Variants in MYH3 observed in about 807,000 individuals in gnomAD.
MYH3 encodes myosin-3.
In MYH3, 130 loss-of-function variants were observed where a neutral mutation model predicts 238.0. The observed-to-expected ratio is 0.55, with a 90% CI of 0.47 to 0.63. The LOEUF (loss-of-function observed/expected upper bound fraction) is 0.63. Ranked by LOEUF, MYH3 falls within the 30% of genes least tolerant of loss-of-function variation. The pLI is 0.00. For synonymous variants in MYH3, 880 were observed against 924.1 expected (o/e 0.95, Z 0.86); for missense variants, 1,853 against 2,374.9 (o/e 0.78, Z 4.57).
the MYH3 span, chr17:10,674,321 G>A: frequency 6.0e-6 from 1 of 165,314 alleles, no homozygotes; most frequent in Non-Finnish European, 1.3e-5. Flanking sequence ...AGCTACTTGG[G>A]AGGCTGAGGC....
chr17:10,669,669 C>T, the MYH3 span, among the ~76,000 whole-genome samples: 46 of 152,086 alleles, frequency 3.0e-4, no homozygotes, highest in East Asian at 1.4e-3. Flanking sequence ...TTTCGGAGGC[C>T]GAGATGGGAG....
At position 10,628,749 on chromosome 17, in the gene MYH3, G is replaced by A. The variant is rs1597479287; in HGVS notation, c.5797-70C>T. The A allele has an allele frequency of 8.3e-6, 13 of 1,558,352 alleles. No individual in the cohort carries two copies. In the East Asian group the frequency reaches 1.8e-4, roughly 22 times the overall value. On this transcript the variant is annotated intron_variant, in intron 40 of 40. Transcript: ENST00000583535. ...CACATTCCCACCCACCACTTCTGCC[G>A]GCTGGCATCAGAGTTGCTTGCCTAC...
At chr17:10,630,534 G>C in intron 36 of MYH3, 76 bp from the exon 37 acceptor site, 1 of 1,595,248 alleles carries the variant, frequency 6.3e-7, no homozygotes, top group Non-Finnish European at 8.6e-7. Flanking sequence ...TGGGGACCTC[G>C]GAGGACCAGA....
the MYH3 span, chr17:10,673,858 G>A: frequency 6.6e-6 from 1 of 152,190 alleles, no homozygotes; most frequent in East Asian, 1.9e-4. Flanking sequence ...GGGAGTGACA[G>A]TCGTCTTTGA....
chr17:10,652,387 C>T, intron 4 of MYH3, 33 bp downstream of exon 4: 1 of 1,612,334 alleles, frequency 6.2e-7, no homozygotes, highest in South Asian at 1.1e-5. Flanking sequence ...TATCTAATGC[C>T]CCAGGGAAAC....
In MYH3 at chr17:10,631,735, T is replaced by C; in HGVS notation, c.5162A>G (p.Asn1721Ser). 6.2e-7 allele frequency: 1 copy of C among 1,614,112 alleles called. No individual in the cohort carries two copies. The highest frequency in any genetic ancestry group is 8.5e-7 in the Non-Finnish European group (1 of 1,180,000). The change falls in exon 36 of 41, where the codon AAC becomes AGC. Residue 1721 changes from asparagine (N) to serine (S), a missense_variant and splice_region_variant. Physicochemically the swap from Asn to Ser is conservative, Grantham distance 46. Around this residue, in one of 3 missense-constraint regions of MYH3, gnomAD observed 1,044 missense variants for 1,192.6 expected, o/e 0.88. Coordinates refer to ENST00000583535, the MANE Select transcript of MYH3 (RefSeq NM_002470.4). ...NERVQLLHTQ[N>S]TSLIHTKKKL... ...CTTCTTGGTGTGGATGAGGCTGGTG[T>C]TCTAGGGCAAGAGGAGGGCTGTTAA...
At chr17:10,650,427 G>A in intron 5 of MYH3, 26 bp from the exon 6 acceptor site, 2 of 1,605,294 alleles carry the variant, frequency 1.2e-6, no homozygotes, top group Non-Finnish European at 1.7e-6. Flanking sequence ...ATAAAATAGA[G>A]TTGATGGCAA....
Position 10,657,289 on chromosome 17 carries a change from C to T in MYH3, c.-68G>A, listed in dbSNP as rs1357919009. The T allele has an allele frequency of 1.3e-5, 2 of 152,298 alleles. No homozygotes were observed. Among genetic ancestry groups the T allele is most frequent in the African/African-American group, 4.8e-5 (2 of 41,442 alleles). The allele number at this position is 152,298 out of a possible 1,614,324, so 9.4% of individuals were successfully genotyped here. A position where few individuals can be genotyped will look rare whatever the true frequency, so the allele number is the denominator to read the frequency against. ...CCTAGAAGAGGAGCCTGTGACTTAC[C>T]TCCGCCCACAAGCGAGCCACAGAGG... On this transcript the variant is annotated splice_region_variant and 5_prime_UTR_variant, in exon 1 of 41. Coordinates refer to ENST00000583535, the MANE Select transcript of MYH3 (RefSeq NM_002470.4).
chr17:10,632,049 G>A (rs2074166197), intron 34 of MYH3, 33 bp from the exon 35 acceptor site: 1 of 1,607,066 alleles, frequency 6.2e-7, no homozygotes, highest in Non-Finnish European at 8.5e-7. Flanking sequence ...TCTATTTGAA[G>A]TTGAGGCGTT....
At chr17:10,648,683 A>ATT (rs3214114) in intron 7 of MYH3, 34 bp from the exon 8 acceptor site, 2,640 of 1,383,476 alleles carry the variant, frequency 1.9e-3, no homozygotes, top group Non-Finnish European at 2.5e-3. Flanking sequence ...AAGAGGAAAC[A>ATT]TTTTTTTTTG....
chr17:10,671,048 G>A, the MYH3 span, among the ~76,000 whole-genome samples: 41 of 152,080 alleles, frequency 2.7e-4, no homozygotes, highest in East Asian at 4.6e-3. Flanking sequence ...GCACCACCAC[G>A]CCCAGCTAAT....
Position 10,654,899 on chromosome 17 carries a change from G to T in MYH3, c.166C>A (p.Gln56Lys). ...EYAKGKIKSS[Q>K]DGKVTVETED... The stretch of plus-strand genomic sequence containing the variant: ...GTTTCCACAGTGACCTTCCCATCCT[G>T]AGAACTCTTGATTTTCCCCTTGGCA... The change falls in exon 3 of 41, where the codon CAG becomes AAG. Residue 56 changes from glutamine (Q) to lysine (K), a missense_variant. Physicochemically the swap from Gln to Lys is moderately conservative, Grantham distance 53 (BLOSUM62 1). Transcript: ENST00000583535. The surrounding 1 kb of genome is among the most constrained non-coding windows in gnomAD (Gnocchi z 4.5). The T allele has an allele frequency of 1.9e-6, 3 of 1,614,146 alleles. No homozygotes were observed. Among genetic ancestry groups the T allele is most frequent in the Non-Finnish European group, 2.5e-6 (3 of 1,180,030 alleles).
Position 10,630,136 on chromosome 17 carries a change from C to T in MYH3, c.5518G>A (p.Gly1840Ser). Residue 1840 changes from glycine to serine, a missense_variant, in exon 38 of 41, where the codon GGC becomes AGC. Around this residue, in one of 3 missense-constraint regions of MYH3, gnomAD observed 1,044 missense variants for 1,192.6 expected, o/e 0.88. Coordinates refer to ENST00000583535, the MANE Select transcript of MYH3 (RefSeq NM_002470.4). Reference protein sequence around the residue: ...EQKKNTESVKGLRKYERRVKE... With the variant: ...EQKKNTESVKSLRKYERRVKE... Reference sequence around the variant, plus strand: ...ACCCTCCGCTCATACTTCCTCAGGCCCTTAACAGACTCTGTGTTCTTCTTC... The same window carrying T: ...ACCCTCCGCTCATACTTCCTCAGGCTCTTAACAGACTCTGTGTTCTTCTTC... 6.2e-7 allele frequency: 1 copy of T among 1,614,200 alleles called. No homozygotes were observed. Among genetic ancestry groups the T allele is most frequent in the Non-Finnish European group, 8.5e-7 (1 of 1,180,046 alleles).
At position 10,652,494 on chromosome 17, in the gene MYH3, C is replaced by T; in HGVS notation, c.274G>A (p.Ala92Thr). Residue 92 changes from alanine to threonine, a missense_variant, in exon 4 of 41, where the codon GCC (alanine) becomes ACC (threonine). Ala to Thr is a moderately conservative substitution (Grantham distance 58, BLOSUM62 0). Around this residue, in one of 3 missense-constraint regions of MYH3, gnomAD observed 131 missense variants for 123.5 expected, o/e 1.06. Transcript: ENST00000583535. ...PPKFDRIEDM[A>T]MLTHLNEPAV... is the part of the protein sequence containing the mutation. ...GGCTCATTCAGGTGCGTCAGCATGG[C>T]CATGTCTTCGATCCTGTCGAACTTG... The T allele has an allele frequency of 6.2e-7, 1 of 1,613,762 alleles. No individual in the cohort carries two copies.
the MYH3 span, among the ~76,000 whole-genome samples, chr17:10,671,394 A>G: frequency 1.3e-5 from 2 of 152,158 alleles, no homozygotes; most frequent in Non-Finnish European, 2.9e-5. Flanking sequence ...CACACTTCAC[A>G]TTCCATCGCT....
the MYH3 span, among the ~76,000 whole-genome samples, chr17:10,671,441 G>A: frequency 6.6e-6 from 1 of 152,040 alleles, no homozygotes; most frequent in African/African-American, 2.4e-5. Context: ...CATCCTCAAT[G>A]GGTAACATCA....
At chr17:10,667,040 T>C in the MYH3 span, among the ~76,000 whole-genome samples, 1 of 152,194 alleles carries the variant, frequency 6.6e-6, no homozygotes, top group Non-Finnish European at 1.5e-5. Context: ...ACCAATCACA[T>C]TGGAGAAAAT....
At chr17:10,666,442 T>G in the MYH3 span, among the ~76,000 whole-genome samples, 2 of 112,570 alleles carry the variant, frequency 1.8e-5, no homozygotes, top group Non-Finnish European at 1.9e-5. Flanking sequence ...GGCATGGTGG[T>G]GCATGCCTAC....
At chr17:10,650,813 C>T (rs2074367081) in intron 5 of MYH3, among the ~76,000 whole-genome samples, 1 of 152,134 alleles carries the variant, frequency 6.6e-6, no homozygotes, top group African/African-American at 2.4e-5. Flanking sequence ...CCGATTTCTC[C>T]TTTCCAGCTG....
Sources: allele counts gnomAD v4.1 joint callset (sites outside exome capture counted in the v4.1 genomes callset), GRCh38; gene constraint gnomAD v4.1.1; regional missense constraint gnomAD v4.1.1; non-coding constraint Gnocchi (gnomAD v3.1); transcripts MANE v1.5; gene names NCBI Gene and HGNC (gene_info 2026-07-23, HGNC 2026-07-21).